Variants in GPC5 observed in about 807,000 individuals in gnomAD.
The protein encoded by GPC5 is glypican 5.
In GPC5, 47 loss-of-function variants were observed where a neutral mutation model predicts 53.9. The observed-to-expected ratio is 0.87, with a 90% CI of 0.69 to 1.11. GPC5 has a LOEUF of 1.11. Among genes scored for constraint, GPC5 ranks in the 50% most tolerant of loss-of-function variants. The probability of loss-of-function intolerance (pLI) is 0.00; values close to 1 mark genes in which losing one functional copy is unlikely to be tolerated. For synonymous variants in GPC5, 286 were observed against 263.3 expected (o/e 1.09, Z -0.84); for missense variants, 748 against 713.1 (o/e 1.05, Z -0.56).
intron 7 of GPC5, among the ~76,000 whole-genome samples, chr13:92,515,332 A>G (rs1416835074): frequency 6.6e-6 from 1 of 152,162 alleles, no homozygotes; most frequent in Non-Finnish European, 1.5e-5. Context: ...TTTTTTTGAG[A>G]ATCCAAGAAA....
chr13:92,431,389 G>GTTT (rs1566587572), intron 7 of GPC5, among the ~76,000 whole-genome samples: 2 of 80,434 alleles, frequency 2.5e-5, no homozygotes. Flanking sequence ...TAAAGACACA[G>GTTT]CTTTTTTTTT....
At chr13:91,640,281 C>A (rs1340821394) in intron 2 of GPC5, among the ~76,000 whole-genome samples, 1 of 151,978 alleles carries the variant, frequency 6.6e-6, no homozygotes, top group African/African-American at 2.4e-5. Context: ...TGAACTTAAA[C>A]AAATTTACAA....
chr13:91,966,899 T>TC (rs1453333935), intron 6 of GPC5, among the ~76,000 whole-genome samples: 3 of 152,294 alleles, frequency 2.0e-5, no homozygotes, highest in African/African-American at 7.2e-5. Context: ...ACAAAATGAC[T>TC]CCAAAATATG....
chr13:92,559,409 A>G (rs1048865736), intron 7 of GPC5, among the ~76,000 whole-genome samples: 7 of 149,524 alleles, frequency 4.7e-5, no homozygotes, highest in Admixed American at 2.7e-4. Context: ...TCTGCATACT[A>G]TGATGTTTTC....
chr13:91,449,607 G>T (rs116706202), intron 2 of GPC5, among the ~76,000 whole-genome samples: 2,763 of 152,174 alleles, frequency 0.018, 103 homozygotes, highest in African/African-American at 0.063. Flanking sequence ...AAGAACACCA[G>T]TGGAATATAT....
intron 5 of GPC5, among the ~76,000 whole-genome samples, chr13:91,843,064 A>G (rs2038807922): frequency 6.6e-6 from 1 of 152,138 alleles, no homozygotes; most frequent in African/African-American, 2.4e-5. Flanking sequence ...AATCTGCCAT[A>G]GCCATGAATG....
chr13:92,842,810 C>T (rs537625751), intron 7 of GPC5, among the ~76,000 whole-genome samples: 2 of 152,042 alleles, frequency 1.3e-5, no homozygotes, highest in East Asian at 3.9e-4. Context: ...GGAATATTTT[C>T]AAATTGCTGA....
chr13:91,924,322 A>G (rs1333346958), intron 6 of GPC5, among the ~76,000 whole-genome samples: 1 of 152,216 alleles, frequency 6.6e-6, no homozygotes, highest in Non-Finnish European at 1.5e-5. Flanking sequence ...AAGTCTTATT[A>G]GAATACTAAT....
At chr13:92,422,840 A>G (rs1876639927) in intron 7 of GPC5, among the ~76,000 whole-genome samples, 1 of 152,258 alleles carries the variant, frequency 6.6e-6, no homozygotes, top group Non-Finnish European at 1.5e-5. Context: ...CCACATGGCA[A>G]CAATATGAGT....
chr13:92,851,983 T>C (rs1382996993), intron 7 of GPC5, among the ~76,000 whole-genome samples: 1 of 149,304 alleles, frequency 6.7e-6, no homozygotes, highest in Non-Finnish European at 1.5e-5. Flanking sequence ...TGAGATACAA[T>C]GAGGAGGTGA....
intron 7 of GPC5, among the ~76,000 whole-genome samples, chr13:92,194,931 G>T (rs2042247008): frequency 6.6e-6 from 1 of 152,102 alleles, no homozygotes; most frequent in Non-Finnish European, 1.5e-5. Context: ...AAAAAATAAG[G>T]TTATTTTATG....
intron 6 of GPC5, among the ~76,000 whole-genome samples, chr13:92,106,035 G>A (rs1566437436): frequency 6.6e-6 from 1 of 152,006 alleles, no homozygotes; most frequent in Admixed American, 6.6e-5. Flanking sequence ...TTATGTACCA[G>A]TGATTCATTC....
chr13:91,693,808 T>G lies in GPC5; in HGVS notation c.947T>G (p.Leu316Arg), dbSNP rs758440312. The stretch of plus-strand genomic sequence containing the variant: ...GGAACATACGACATTGGACACGTGC[T>G]GCTGAACTTTCACTTGCTTGTTAAT... ...MHGTYDIGHV[L>R]LNFHLLVNDA... The change falls in exon 3 of 8, where the codon CTG becomes CGG. Residue 316 changes from leucine (L) to arginine (R), a missense_variant. Transcript: ENST00000377067. 6.2e-7 allele frequency: 1 copy of G among 1,613,506 alleles called. No homozygotes were observed. The highest frequency in any genetic ancestry group is 8.5e-7 in the Non-Finnish European group (1 of 1,179,994).
chr13:92,769,201 A>G (rs1875521901), intron 7 of GPC5, among the ~76,000 whole-genome samples: 1 of 152,212 alleles, frequency 6.6e-6, no homozygotes, highest in Admixed American at 6.5e-5. Context: ...AGCTTAAGAA[A>G]AGTGCTGGGA....
intron 7 of GPC5, among the ~76,000 whole-genome samples, chr13:92,330,271 G>A (rs146681891): frequency 1.9e-4 from 29 of 152,216 alleles, no homozygotes; most frequent in Non-Finnish European, 3.4e-4. Flanking sequence ...GCCAGTGGTC[G>A]AGTTCTGTTA....
chr13:92,781,528 G>A (rs1876023629), intron 7 of GPC5, among the ~76,000 whole-genome samples: 1 of 151,900 alleles, frequency 6.6e-6, no homozygotes, highest in South Asian at 2.1e-4. Context: ...ATAATATGGG[G>A]GAGCTACTGT....
chr13:91,595,267 G>A (rs994052892), intron 2 of GPC5, among the ~76,000 whole-genome samples: 3 of 151,962 alleles, frequency 2.0e-5, no homozygotes, highest in African/African-American at 7.3e-5. Context: ...ACCTGCCTCG[G>A]CCTTCCAAAG....
chr13:91,855,416 A>G (rs1303879659), intron 5 of GPC5, among the ~76,000 whole-genome samples: 1 of 151,730 alleles, frequency 6.6e-6, no homozygotes, highest in Non-Finnish European at 1.5e-5. Flanking sequence ...ACATGCATAT[A>G]AAATTAGTCA....
chr13:92,727,536 A>G (rs1236891403), intron 7 of GPC5, among the ~76,000 whole-genome samples: 1 of 151,332 alleles, frequency 6.6e-6, no homozygotes, highest in Non-Finnish European at 1.5e-5. Flanking sequence ...TTAACTTCCT[A>G]TTATGCCTCA....
Sources: allele counts gnomAD v4.1 joint callset (sites outside exome capture counted in the v4.1 genomes callset), GRCh38; gene constraint gnomAD v4.1.1; transcripts MANE v1.5; gene names NCBI Gene and HGNC (gene_info 2026-07-23, HGNC 2026-07-21).